ITGA1: variants seen among roughly 807,000 people sequenced by gnomAD.
The protein encoded by ITGA1 is integrin alpha-1.
In ITGA1, 85 loss-of-function variants were observed where a neutral mutation model predicts 145.9. The ratio of observed to expected loss-of-function variants is 0.58; its 90% CI spans 0.49 to 0.70. The LOEUF is 0.70. ITGA1 is among the 30% of genes least tolerant of loss of function. ITGA1 has a pLI of 0.00. For missense variants in ITGA1, 1,351 were observed against 1,418.7 expected (o/e 0.95, Z 0.77); for synonymous variants, 520 against 495.3 (o/e 1.05, Z -0.66).
rs1471311685 is a variant in ITGA1 at position 52,939,708 on chromosome 5, G to A, written c.3180+17G>A. On this transcript the variant is annotated intron_variant, in intron 25 of 28. Transcript: ENST00000282588. Reference sequence around the variant, plus strand: ...ACAATTCTGGTAAATTAAGACAAGTGCTATTTTTACCTTTTGCTTTCCAAA... The same window carrying A: ...ACAATTCTGGTAAATTAAGACAAGTACTATTTTTACCTTTTGCTTTCCAAA... 4 of 1,568,418 alleles carry A rather than the reference G, an allele frequency of 2.6e-6. No homozygotes were observed. The highest frequency in any genetic ancestry group is 1.7e-4 in the Middle Eastern group (1 of 5,930).
At chr5:52,887,789 C>T (rs956115065) in intron 7 of ITGA1, 26 bp from the exon 8 acceptor site, 1 of 1,595,590 alleles carries the variant, frequency 6.3e-7, no homozygotes, top group African/African-American at 1.3e-5. Context: ...TCTTATCAAC[C>T]TCTCTTTTGT....
Position 52,952,628 on chromosome 5 carries a change from A to T in ITGA1, c.*177A>T, listed in dbSNP as rs1256509332. ...ATTATCCAAAAACAATACCAAAAAG[A>T]CATATTTTATAAAATGACAAAAAAT... On this transcript the variant is annotated 3_prime_UTR_variant, in exon 29 of 29. Transcript: ENST00000282588. 6.4e-6 allele frequency: 2 copies of T among 311,944 alleles called. No homozygotes were observed. The highest frequency in any genetic ancestry group is 1.2e-5 in the Non-Finnish European group (2 of 162,748). The allele number at this position is 311,944 out of a possible 1,614,324, so 19.3% of individuals were successfully genotyped here. A position where few individuals can be genotyped will look rare whatever the true frequency, so the allele number is the denominator to read the frequency against.
Position 52,918,742 on chromosome 5 carries a change from G to A in ITGA1, c.1999G>A (p.Val667Met). ...GGAALFWSRD[V>M]AVVKVTMNFE... The stretch of plus-strand genomic sequence containing the variant: ...TGTTTTTGTTTGTAGGTCCCGAGAT[G>A]TGGCCGTAGTTAAAGTGACCATGAA... The change falls in exon 16 of 29, where the codon GTG (valine) becomes ATG (methionine). Residue 667 changes from valine to methionine, a missense_variant. Val to Met is a conservative substitution (Grantham distance 21). Coordinates refer to ENST00000282588, the MANE Select transcript of ITGA1 (RefSeq NM_181501.2). 6.2e-7 allele frequency: 1 copy of A among 1,608,050 alleles called. No individual in the cohort carries two copies. The highest frequency in any genetic ancestry group is 1.7e-4 in the Middle Eastern group (1 of 6,022).
intron 26 of ITGA1, among the ~76,000 whole-genome samples, chr5:52,943,316 T>G (rs1310950105): frequency 6.6e-6 from 1 of 152,224 alleles, no homozygotes; most frequent in Admixed American, 6.5e-5. Flanking sequence ...GTTCTTCAAC[T>G]GTGGTGTAAG....
chr5:52,913,480 G>A (rs1750599030), intron 14 of ITGA1, among the ~76,000 whole-genome samples: 1 of 152,132 alleles, frequency 6.6e-6, no homozygotes, highest in African/African-American at 2.4e-5. Context: ...TTTGTAATTT[G>A]TTGTCAGTTA....
At chr5:52,892,794 A>G (rs1022708085) in intron 8 of ITGA1, among the ~76,000 whole-genome samples, 1 of 152,110 alleles carries the variant, frequency 6.6e-6, no homozygotes, top group African/African-American at 2.4e-5. Context: ...AATCAAAGCT[A>G]TAAGGACAGA....
intron 1 of ITGA1, among the ~76,000 whole-genome samples, chr5:52,840,378 A>G (rs922483817): frequency 1.3e-5 from 2 of 152,196 alleles, no homozygotes; most frequent in Admixed American, 6.5e-5. Flanking sequence ...AGCGTTCAGG[A>G]TGCCAGGGCA....
chr5:52,908,057 G>A (rs1284112830), intron 12 of ITGA1, among the ~76,000 whole-genome samples: 1 of 152,132 alleles, frequency 6.6e-6, no homozygotes, highest in Non-Finnish European at 1.5e-5. Context: ...TAGGGTAAGA[G>A]AATGGAAAAA....
At chr5:52,806,314 G>C (rs1386698639) in intron 1 of ITGA1, among the ~76,000 whole-genome samples, 1 of 151,576 alleles carries the variant, frequency 6.6e-6, no homozygotes, top group African/African-American at 2.4e-5. Flanking sequence ...AAAAGATTTA[G>C]AAGTTAAAAA....
intron 1 of ITGA1, chr5:52,803,695 T>G (rs1377293067): frequency 6.6e-6 from 1 of 152,186 alleles, no homozygotes; most frequent in African/African-American, 2.4e-5. Flanking sequence ...AGCCACTGAT[T>G]CAGGCCTTGC....
rs1299087360 is a variant in ITGA1 at position 52,881,010 on chromosome 5, T to C, written c.625-863T>C. 3.3e-5 allele frequency among the ~76,000 whole-genome samples: 5 copies of C among 152,176 alleles called. No individual in the cohort carries two copies. The East Asian group carries it at 9.6e-4, about 29-fold the overall frequency. ...ATCTGGGGGCACTTTCCCTCCTGTA[T>C]TTCACTGCATGAAGGCTCTGCAGTT... On this transcript the variant is annotated intron_variant, in intron 6 of 28. Transcript: ENST00000282588.
chr5:52,823,731 CAG>C (rs1748915390), intron 1 of ITGA1, among the ~76,000 whole-genome samples: 5 of 152,092 alleles, frequency 3.3e-5, no homozygotes, highest in Admixed American at 2.6e-4. Context: ...GAAAGCAGTG[CAG>C]AGAGTGCTAA....
At chr5:52,934,025 TA>T (rs1409909712) in intron 23 of ITGA1, 29 bp downstream of exon 23, 2 of 914,466 alleles carry the variant, frequency 2.2e-6, no homozygotes, top group Non-Finnish European at 3.2e-6. Flanking sequence ...AATAGTATTC[TA>T]AAGGAGTTAT....
At chr5:52,923,406 A>T (rs1750758958) in intron 18 of ITGA1, among the ~76,000 whole-genome samples, 1 of 152,082 alleles carries the variant, frequency 6.6e-6, no homozygotes, top group Non-Finnish European at 1.5e-5. Context: ...CAGCAAGCTT[A>T]CCTACAGATA....
intron 11 of ITGA1, chr5:52,902,943 C>CCTT (rs1156262700): frequency 1.3e-5 from 2 of 152,026 alleles, no homozygotes; most frequent in Admixed American, 6.6e-5. Context: ...TAATTATTTT[C>CCTT]CTTCTTTTAA....
rs762174393 is a variant in ITGA1, at chr5:52,910,417, CAAGT to C, written c.1857+2_1857+5del. ...CAAGACTATAAGGAAAGAGTATGCA[CAAGT>C]AAGAATTGAAACCTACAGATTCCCA... is the stretch of plus-strand genomic sequence containing the variant. On this transcript the variant is annotated splice_donor_variant and coding_sequence_variant, in exon 14 of 29. Coordinates refer to ENST00000282588, the MANE Select transcript of ITGA1 (RefSeq NM_181501.2). LOFTEE classifies it high-confidence loss of function. 17 of 1,610,080 alleles carry C rather than the reference CAAGT, an allele frequency of 1.1e-5. No individual in the cohort carries two copies. In the South Asian group the frequency reaches 1.8e-4, roughly 17 times the overall value.
intron 1 of ITGA1, among the ~76,000 whole-genome samples, chr5:52,832,783 G>GTGTGTC (rs1554042268): frequency 0.014 from 2,070 of 144,428 alleles, 65 homozygotes; most frequent in African/African-American, 0.05. Flanking sequence ...GTGTGTGTGT[G>GTGTGTC]TGTGTGTGTG....
chr5:52,810,032 T>C (rs1748661390), intron 1 of ITGA1, among the ~76,000 whole-genome samples: 1 of 136,432 alleles, frequency 7.3e-6, no homozygotes, highest in East Asian at 2.0e-4. Context: ...ATAGTATCCA[T>C]GTTTTTGTTG....
chr5:52,920,986 AG>A (rs1750722518), intron 17 of ITGA1, among the ~76,000 whole-genome samples: 1 of 58,836 alleles, frequency 1.7e-5, no homozygotes, highest in South Asian at 5.7e-4. Context: ...GTGCTACTTC[AG>A]TTTTTTTTTT....
Sources: allele counts gnomAD v4.1 joint callset (sites outside exome capture counted in the v4.1 genomes callset), GRCh38; gene constraint gnomAD v4.1.1; transcripts MANE v1.5; gene names NCBI Gene and HGNC (gene_info 2026-07-23, HGNC 2026-07-21).